SGPP2: variants seen among roughly 807,000 people sequenced by gnomAD.
SGPP2 encodes the protein sphingosine-1-phosphate phosphatase 2, also known as sphingosine 1-phosphate phosphohydrolase 2.
In SGPP2, 30 loss-of-function variants were observed where a neutral mutation model predicts 33.9. The ratio of observed to expected loss-of-function variants is 0.89; its 90% confidence interval spans 0.66 to 1.20. The LOEUF (loss-of-function observed/expected upper bound fraction) is 1.20. Ranked by LOEUF, SGPP2 falls within the 50% of genes most tolerant of loss-of-function variation. SGPP2 has a pLI of 0.00. For synonymous variants in SGPP2, 233 were observed against 225.0 expected, an observed-to-expected ratio of 1.04 and a Z score of -0.32; for missense variants, 458 against 532.1, an observed-to-expected ratio of 0.86 and a Z score of 1.37.
Position 222,465,150 on chromosome 2 carries a change from C to T in SGPP2, c.220-9418C>T, listed in dbSNP as rs1697726079. ...TAAGCAGGTGACAGTGATGAGTGTG[C>T]AGTTCCCTCTCAAGCTGACTCCAAT... On this transcript the variant is annotated intron_variant, in intron 1 of 4. Transcript: ENST00000321276. The surrounding 1 kb of genome is among the most constrained non-coding windows in gnomAD (Gnocchi z 4.1). Among the ~76,000 whole-genome samples, 1 of 152,150 alleles carries T rather than the reference C, an allele frequency of 6.6e-6. No individual in the cohort carries two copies. The highest frequency in any genetic ancestry group is 6.5e-5 in the Admixed American group (1 of 15,276).
At chr2:222,443,405 G>A (rs1025411831) in intron 1 of SGPP2, among the ~76,000 whole-genome samples, 2 of 152,036 alleles carry the variant, frequency 1.3e-5, no homozygotes, top group African/African-American at 2.4e-5. Context: ...AATCCCCAGT[G>A]TCTATCGTTC....
chr2:222,442,284 A>G (rs930631878), intron 1 of SGPP2, among the ~76,000 whole-genome samples: 1 of 152,048 alleles, frequency 6.6e-6, no homozygotes, highest in African/African-American at 2.4e-5. Flanking sequence ...TGTTTTAGCT[A>G]TTTACTCACT....
intron 2 of SGPP2, among the ~76,000 whole-genome samples, chr2:222,510,318 G>T (rs1423768875): frequency 1.3e-5 from 2 of 152,204 alleles, no homozygotes; most frequent in African/African-American, 2.4e-5. Context: ...AAGGGAATGA[G>T]ATGCATTTGG....
intron 1 of SGPP2, among the ~76,000 whole-genome samples, chr2:222,473,008 G>T (rs11692574): frequency 6.6e-6 from 1 of 151,542 alleles, no homozygotes; most frequent in Non-Finnish European, 1.5e-5. Flanking sequence ...AGCGAGACTC[G>T]GTCTCAAAAA....
chr2:222,479,865 A>G (rs1559155988), intron 2 of SGPP2, among the ~76,000 whole-genome samples: 2 of 152,156 alleles, frequency 1.3e-5, no homozygotes, highest in Admixed American at 6.5e-5. Context: ...ACAAACCTTA[A>G]CAAACCCCAC....
chr2:222,499,113 CT>C (rs1379334850), intron 2 of SGPP2, among the ~76,000 whole-genome samples: 1 of 152,244 alleles, frequency 6.6e-6, no homozygotes, highest in Non-Finnish European at 1.5e-5. Flanking sequence ...AACACGGATT[CT>C]GTAAAGACTT....
chr2:222,543,175 T>C (rs77595489), intron 4 of SGPP2, among the ~76,000 whole-genome samples: 6,122 of 152,340 alleles, frequency 0.04, 196 homozygotes, highest in African/African-American at 0.087. Context: ...AGATATTCTG[T>C]TATTATATTT....
At chr2:222,552,243 A>G (rs1415787449) in intron 4 of SGPP2, among the ~76,000 whole-genome samples, 3 of 152,190 alleles carry the variant, frequency 2.0e-5, no homozygotes, top group Non-Finnish European at 2.9e-5. Context: ...GGATTGCTGG[A>G]TCAAATGGTA....
At chr2:222,449,662 G>A (rs1697454158) in intron 1 of SGPP2, among the ~76,000 whole-genome samples, 1 of 152,078 alleles carries the variant, frequency 6.6e-6, no homozygotes, top group African/African-American at 2.4e-5. Flanking sequence ...GTAGAGATGG[G>A]GTTTCACCAT....
In SGPP2 at chr2:222,558,327, C is replaced by T. The variant is rs776832228; in HGVS notation, c.649-20C>T. The T allele has an allele frequency of 1.4e-5, 23 of 1,611,628 alleles. No individual in the cohort carries two copies. The highest frequency in any genetic ancestry group is 5.0e-5 in the Admixed American group (3 of 59,976). ...GAAACACTCATTGGTTCACACTGTT[C>T]TTTTCTCTCCTTCCCAAAGGATGTG... is the stretch of plus-strand genomic sequence containing the variant. On this transcript the variant is annotated intron_variant, in intron 4 of 4. Coordinates refer to ENST00000321276, the MANE Select transcript of SGPP2 (RefSeq NM_152386.4).
chr2:222,553,369 CGTAT>C lies in SGPP2; in HGVS notation c.649-4975_649-4972del, dbSNP rs532755038. Among the ~76,000 whole-genome samples the C allele has an allele frequency of 6.2e-4, 94 of 152,220 alleles. No individual in the cohort carries two copies. In the Middle Eastern group the frequency reaches 0.02, roughly 33 times the overall value. ...GGCATATTTGGGAAAAGCAAATAGACGTATGTGAGTGGGGCAGAAAGTTCAAATG... is the reference window on the plus strand; with the variant it reads ...GGCATATTTGGGAAAAGCAAATAGACGTGAGTGGGGCAGAAAGTTCAAATG... On this transcript the variant is annotated intron_variant, in intron 4 of 4. Transcript: ENST00000321276.
chr2:222,528,698 T>C (rs536425841), intron 4 of SGPP2, among the ~76,000 whole-genome samples: 16 of 152,242 alleles, frequency 1.1e-4, no homozygotes, highest in Non-Finnish European at 1.6e-4. Flanking sequence ...CTCACTGCAA[T>C]GTCTGCCTTC....
At chr2:222,437,908 A>G (rs1002414302) in intron 1 of SGPP2, among the ~76,000 whole-genome samples, 5 of 152,206 alleles carry the variant, frequency 3.3e-5, no homozygotes, top group Non-Finnish European at 7.3e-5. Flanking sequence ...CAAAGGCTCC[A>G]AATAGCATCC....
At chr2:222,510,859 A>T (rs1414846890) in intron 2 of SGPP2, among the ~76,000 whole-genome samples, 1 of 152,218 alleles carries the variant, frequency 6.6e-6, no homozygotes, top group Non-Finnish European at 1.5e-5. Context: ...ATGTTAACAG[A>T]GAGAAAAGTT....
Position 222,562,117 on chromosome 2 carries a change from G to C in SGPP2, c.*3219G>C, listed in dbSNP as rs1386922206. On this transcript the variant is annotated 3_prime_UTR_variant, in exon 5 of 5. Transcript: ENST00000321276. Reference sequence around the variant, plus strand: ...TCACCACAATGTAAGCCTATGGTCTGGCCAACCTTGCTTTTGGGAACTGTG... The same window carrying C: ...TCACCACAATGTAAGCCTATGGTCTCGCCAACCTTGCTTTTGGGAACTGTG... Among the ~76,000 whole-genome samples the C allele has an allele frequency of 6.6e-6, 1 of 152,124 alleles. No homozygotes were observed. The highest frequency in any genetic ancestry group is 1.5e-5 in the Non-Finnish European group (1 of 68,028).
In SGPP2 at chr2:222,539,374, T is replaced by C. The variant is rs190333614; in HGVS notation, c.648+14341T>C. On this transcript the variant is annotated intron_variant, in intron 4 of 4. Transcript: ENST00000321276. Reference sequence around the variant, plus strand: ...AAATGCTGTATGTTAGAGGAGAAAATAGAATCTATTCTAGGTATTTAAGCA... The same window carrying C: ...AAATGCTGTATGTTAGAGGAGAAAACAGAATCTATTCTAGGTATTTAAGCA... Among the ~76,000 whole-genome samples, 13 of 152,296 alleles carry C rather than the reference T, an allele frequency of 8.5e-5. 1 individual carries two copies. The East Asian group carries it at 2.3e-3, about 27-fold the overall frequency.
Position 222,508,903 on chromosome 2 carries a change from C to T in SGPP2, c.379-12864C>T, listed in dbSNP as rs192670830. Among the ~76,000 whole-genome samples the T allele has an allele frequency of 2.6e-4, 40 of 151,856 alleles. 1 individual carries two copies. The Middle Eastern group carries it at 0.01, about 39-fold the overall frequency. On this transcript the variant is annotated intron_variant, in intron 2 of 4. Transcript: ENST00000321276. ...ATTAAAATTGCTTCTCCCAGCGTTA[C>T]ACACACACACATCACATCCAGCAAA...
chr2:222,486,998 G>A (rs1373287706), intron 2 of SGPP2, among the ~76,000 whole-genome samples: 6 of 151,482 alleles, frequency 4.0e-5, no homozygotes, highest in Non-Finnish European at 7.4e-5. Flanking sequence ...TCCTTCCATC[G>A]CTCTCTCTGT....
At chr2:222,556,527 TCCCTCACTCCTTGCCTACCA>T (rs1689404561) in intron 4 of SGPP2, among the ~76,000 whole-genome samples, 1 of 77,292 alleles carries the variant, frequency 1.3e-5, no homozygotes, top group African/African-American at 5.4e-5. Context: ...CACTCCTCCC[TCCCTCACTCCTTGCCTACCA>T]CCCTCACTCC....
Sources: allele counts gnomAD v4.1 joint callset (sites outside exome capture counted in the v4.1 genomes callset), GRCh38; gene constraint gnomAD v4.1.1; non-coding constraint Gnocchi (gnomAD v3.1); transcripts MANE v1.5; gene names NCBI Gene and HGNC (gene_info 2026-07-23, HGNC 2026-07-21).